Variants in MYO1F observed in about 807,000 individuals in gnomAD.
MYO1F encodes the protein myosin IF, also known as unconventional myosin-If.
MYO1F carries 60 observed loss-of-function variants against 146.6 expected under a neutral mutation model. The ratio of observed to expected loss-of-function variants is 0.41; its 90% confidence interval spans 0.33 to 0.51. The LOEUF (loss-of-function observed/expected upper bound fraction) is 0.51. MYO1F is among the 20% of genes least tolerant of loss of function. The probability of loss-of-function intolerance (pLI) is 0.25; values close to 1 mark genes in which losing one functional copy is unlikely to be tolerated. For missense variants in MYO1F, 1,274 were observed against 1,534.3 expected (o/e 0.83, Z 2.83); for synonymous variants, 602 against 602.1 (o/e 1.00, Z 0.00).
intron 11 of MYO1F, 54 bp from the exon 12 acceptor site, chr19:8,548,176 T>C (rs2145906138): frequency 1.9e-6 from 3 of 1,613,374 alleles, no homozygotes; most frequent in Non-Finnish European, 2.5e-6. Context: ...TGGAAGTTCT[T>C]GTGGCCACCC....
At chr19:8,552,271 T>C in intron 6 of MYO1F, 107 bp from the exon 7 acceptor site, 1 of 1,240,528 alleles carries the variant, frequency 8.1e-7, no homozygotes, top group South Asian at 1.3e-5. Flanking sequence ...TCTTCCTTTT[T>C]TTTTTGAGAC....
chr19:8,545,850 A>G, intron 12 of MYO1F, 114 bp from the exon 13 acceptor site: 1 of 801,308 alleles, frequency 1.2e-6, no homozygotes, highest in Non-Finnish European at 2.2e-6. Context: ...CTGGTAACAA[A>G]GCCCGTCACT....
rs770047632 is a variant in MYO1F at position 8,525,487 on chromosome 19, G to A, written c.2846C>T (p.Pro949Leu). 2.5e-6 allele frequency: 4 copies of A among 1,613,278 alleles called. No individual in the cohort carries two copies. The highest frequency in any genetic ancestry group is 3.4e-6 in the Non-Finnish European group (4 of 1,179,844). Residue 949 changes from proline to leucine, a missense_variant, in exon 25 of 28, where the codon CCC (proline) becomes CTC (leucine). Physicochemically the swap from Pro to Leu is moderately conservative, Grantham distance 98. Coordinates refer to ENST00000644032, the MANE Select transcript of MYO1F (RefSeq NM_012335.4). ...SQAPTRAAPA[P>L]PRGMDRNGVP... is the part of the protein sequence containing the mutation. ...GGGACGCAGCTCCTCACCTCTGGGG[G>A]GCGCAGGGGCCGCCCGGGTAGGGGC...
chr19:8,526,988 T>G (rs1599914084), intron 22 of MYO1F, 53 bp from the exon 23 acceptor site: 1 of 1,602,856 alleles, frequency 6.2e-7, no homozygotes, highest in African/African-American at 1.3e-5. Context: ...GGGCGACAGG[T>G]GAGAGAGACA....
Position 8,530,393 on chromosome 19 carries a change from G to A in MYO1F, c.2159-28C>T. ...GCGGGGACAGAGGGTGGAGGGCAGA[G>A]CTCCTGATACAGCTCCTCCAGGTCC... On this transcript the variant is annotated intron_variant, in intron 20 of 27. Coordinates refer to ENST00000644032, the MANE Select transcript of MYO1F (RefSeq NM_012335.4). The surrounding 1 kb of genome is among the most constrained non-coding windows in gnomAD (Gnocchi z 5.8). 6.2e-7 allele frequency: 1 copy of A among 1,613,984 alleles called. No individual in the cohort carries two copies. The highest frequency in any genetic ancestry group is 8.5e-7 in the Non-Finnish European group (1 of 1,180,016).
intron 6 of MYO1F, among the ~76,000 whole-genome samples, 169 bp from the exon 7 acceptor site, chr19:8,552,333 A>G (rs1311851160): frequency 2.6e-5 from 4 of 151,788 alleles, no homozygotes; most frequent in Admixed American, 2.6e-4. Flanking sequence ...ATGTCGGCTC[A>G]CTGCAACGTC....
intron 16 of MYO1F, among the ~76,000 whole-genome samples, chr19:8,538,488 G>A (rs1972823363): frequency 6.6e-6 from 1 of 151,712 alleles, no homozygotes; most frequent in Non-Finnish European, 1.5e-5. Context: ...CACCATGTTG[G>A]CCAGGCTGGT....
At chr19:8,534,194 AT>A (rs1347097998) in intron 19 of MYO1F, among the ~76,000 whole-genome samples, 1 of 151,516 alleles carries the variant, frequency 6.6e-6, no homozygotes, top group Non-Finnish European at 1.5e-5. Context: ...AAAAAAAAAA[AT>A]TCATCCCAAC....
At chr19:8,538,721 G>T (rs1306536920) in intron 16 of MYO1F, among the ~76,000 whole-genome samples, 3 of 151,906 alleles carry the variant, frequency 2.0e-5, no homozygotes, top group Non-Finnish European at 4.4e-5. Flanking sequence ...CCAAGTAGCT[G>T]GGACCACAGG....
chr19:8,544,417 C>G lies in MYO1F; in HGVS notation c.1404G>C (p.Met468Ile), dbSNP rs1973245402. Residue 468 changes from methionine (M) to isoleucine (I), a missense_variant, in exon 14 of 28, where the codon ATG (methionine) becomes ATC (isoleucine). This residue lies in a region of MYO1F where 900 missense variants were observed against 1,155.1 expected (regional missense o/e 0.78). Coordinates refer to ENST00000644032, the MANE Select transcript of MYO1F (RefSeq NM_012335.4). ...GGTCTGCTCCCCCGCCCGTGGCGTGCATGGTGGCGCACACGTCGTCCAAGA... is the reference window on the plus strand; with the variant it reads ...GGTCTGCTCCCCCGCCCGTGGCGTGGATGGTGGCGCACACGTCGTCCAAGA... The part of the protein sequence containing the change: ...MSVLDDVCAT[M>I]HATGGGADQT... 1 of 1,612,648 alleles carries G rather than the reference C, an allele frequency of 6.2e-7. No individual in the cohort carries two copies.
chr19:8,528,837 C>A (rs1046526951), intron 21 of MYO1F, among the ~76,000 whole-genome samples: 1 of 151,920 alleles, frequency 6.6e-6, no homozygotes, highest in Non-Finnish European at 1.5e-5. Context: ...AGGAAGTGAG[C>A]GGGTGTGTAT....
At position 8,552,328 on chromosome 19, in the gene MYO1F, G is replaced by A. The variant is rs11879455; in HGVS notation, c.505-164C>T. Reference sequence around the variant, plus strand: ...GGCTGGGATTCAGTGGCGCAATGTCGGCTCACTGCAACGTCCACCTCCTGG... The same window carrying A: ...GGCTGGGATTCAGTGGCGCAATGTCAGCTCACTGCAACGTCCACCTCCTGG... On this transcript the variant is annotated intron_variant, in intron 6 of 27. Transcript: ENST00000644032. Among the ~76,000 whole-genome samples the A allele has an allele frequency of 9.3e-3, 1,409 of 151,932 alleles. 27 individuals are homozygous for A. The highest frequency in any genetic ancestry group is 0.032 in the African/African-American group (1,340 of 41,412).
chr19:8,576,172 A>AT (rs1234462243), intron 1 of MYO1F, among the ~76,000 whole-genome samples: 8 of 151,806 alleles, frequency 5.3e-5, no homozygotes, highest in Non-Finnish European at 2.9e-5. Context: ...AATTTTTTGT[A>AT]TTTTTTAGTA....
intron 19 of MYO1F, among the ~76,000 whole-genome samples, chr19:8,532,009 T>C (rs992441128): frequency 1.3e-5 from 2 of 152,006 alleles, no homozygotes; most frequent in African/African-American, 4.8e-5. Context: ...TCCCAGCTAC[T>C]CGGGAGGCTG....
chr19:8,532,772 C>A (rs1972533820), intron 19 of MYO1F, among the ~76,000 whole-genome samples: 1 of 151,884 alleles, frequency 6.6e-6, no homozygotes, highest in East Asian at 1.9e-4. Flanking sequence ...TGTGTAGTCC[C>A]AGCTATTCCG....
At chr19:8,527,890 G>C (rs1449828185) in intron 21 of MYO1F, among the ~76,000 whole-genome samples, 2 of 152,308 alleles carry the variant, frequency 1.3e-5, no homozygotes, top group East Asian at 3.9e-4. Flanking sequence ...TGGGATTACA[G>C]GTGTGCGCCA....
chr19:8,529,766 T>A, intron 21 of MYO1F: 1 of 319,818 alleles, frequency 3.1e-6, no homozygotes, highest in Non-Finnish European at 6.1e-6. Flanking sequence ...TACAAGTGCA[T>A]GTTTGATGGA....
chr19:8,564,497 C>G (rs1314111283), intron 1 of MYO1F, among the ~76,000 whole-genome samples: 3 of 151,966 alleles, frequency 2.0e-5, no homozygotes, highest in Non-Finnish European at 4.4e-5. Flanking sequence ...AAGTTGACAC[C>G]CACCACAGAC....
chr19:8,552,885 A>C (rs1973672285), intron 6 of MYO1F, among the ~76,000 whole-genome samples: 1 of 152,176 alleles, frequency 6.6e-6, no homozygotes, highest in Non-Finnish European at 1.5e-5. Context: ...ACAATGTAGC[A>C]TGGCTGCAGC....
Sources: allele counts gnomAD v4.1 joint callset (sites outside exome capture counted in the v4.1 genomes callset), GRCh38; gene constraint gnomAD v4.1.1; regional missense constraint gnomAD v4.1.1; non-coding constraint Gnocchi (gnomAD v3.1); transcripts MANE v1.5; gene names NCBI Gene and HGNC (gene_info 2026-07-23, HGNC 2026-07-21).